SPIRE1: variants seen among roughly 807,000 people sequenced by gnomAD.
SPIRE1 encodes the protein protein spire homolog 1.
Under a neutral mutation model 94.1 loss-of-function variants are expected in SPIRE1, and 40 were observed. The observed-to-expected ratio is 0.43, with a 90% CI of 0.33 to 0.55. The LOEUF is 0.55. SPIRE1 is among the 20% of genes least tolerant of loss of function. The pLI, the probability that SPIRE1 is intolerant of heterozygous loss-of-function variation, is 0.06. For synonymous variants in SPIRE1, 376 were observed against 371.7 expected (o/e 1.01, Z -0.13); for missense variants, 838 against 975.2 (o/e 0.86, Z 1.87).
chr18:12,525,663 G>A (rs1036709648), intron 4 of SPIRE1, among the ~76,000 whole-genome samples: 5 of 151,944 alleles, frequency 3.3e-5, no homozygotes, highest in African/African-American at 1.2e-4. Context: ...CTATACACAC[G>A]GGAACCTGCT....
intron 2 of SPIRE1, among the ~76,000 whole-genome samples, chr18:12,563,655 T>C (rs2035746598): frequency 6.6e-6 from 1 of 152,222 alleles, no homozygotes; most frequent in Admixed American, 6.5e-5. Context: ...CTTTTCCATG[T>C]TATTGGCATC....
At chr18:12,526,717 ATT>A (rs35114575) in intron 4 of SPIRE1, among the ~76,000 whole-genome samples, 1 of 150,186 alleles carries the variant, frequency 6.7e-6, no homozygotes, top group Non-Finnish European at 1.5e-5. Flanking sequence ...TTTTAATTTA[ATT>A]TTTTTTTTGA....
intron 3 of SPIRE1, among the ~76,000 whole-genome samples, chr18:12,542,516 T>G (rs1264179209): frequency 2.0e-5 from 3 of 152,198 alleles, no homozygotes; most frequent in African/African-American, 7.2e-5. Context: ...TATATTCCTT[T>G]TCAATTCTTT....
At chr18:12,464,053 C>A (rs2031988041) in intron 11 of SPIRE1, among the ~76,000 whole-genome samples, 1 of 152,164 alleles carries the variant, frequency 6.6e-6, no homozygotes, top group African/African-American at 2.4e-5. Flanking sequence ...TTATTTAGTG[C>A]TTCCTCCTAC....
chr18:12,608,916 C>T (rs1361959359), intron 2 of SPIRE1, among the ~76,000 whole-genome samples: 1 of 152,102 alleles, frequency 6.6e-6, no homozygotes, highest in Non-Finnish European at 1.5e-5. Context: ...GCAGCAGTCC[C>T]CAATCTTTTT....
At chr18:12,611,190 G>T (rs1413247531) in intron 2 of SPIRE1, among the ~76,000 whole-genome samples, 1 of 152,092 alleles carries the variant, frequency 6.6e-6, no homozygotes, top group Non-Finnish European at 1.5e-5. Context: ...CAAATTTCCT[G>T]CTCTCTGGGT....
At chr18:12,504,552 C>T (rs1348156100) in intron 6 of SPIRE1, among the ~76,000 whole-genome samples, 1 of 152,104 alleles carries the variant, frequency 6.6e-6, no homozygotes, top group African/African-American at 2.4e-5. Context: ...TAAGAACCTT[C>T]TAACATAAAA....
chr18:12,531,523 T>C (rs1441363582), intron 4 of SPIRE1, among the ~76,000 whole-genome samples: 1 of 152,164 alleles, frequency 6.6e-6, no homozygotes, highest in Non-Finnish European at 1.5e-5. Flanking sequence ...GACTGAAGGG[T>C]ATGATGAGGA....
intron 2 of SPIRE1, among the ~76,000 whole-genome samples, chr18:12,612,316 G>A (rs1042530302): frequency 6.6e-6 from 1 of 152,122 alleles, no homozygotes; most frequent in Admixed American, 6.6e-5. Context: ...TACATTCATG[G>A]GCCCTGTGGG....
chr18:12,592,220 T>C (rs941995359), intron 2 of SPIRE1, among the ~76,000 whole-genome samples: 1 of 152,068 alleles, frequency 6.6e-6, no homozygotes, highest in Non-Finnish European at 1.5e-5. Context: ...AAAAAAAGAG[T>C]TCACCAGGAT....
At chr18:12,565,586 C>T (rs777398069) in intron 2 of SPIRE1, among the ~76,000 whole-genome samples, 1 of 151,950 alleles carries the variant, frequency 6.6e-6, no homozygotes, top group Non-Finnish European at 1.5e-5. Flanking sequence ...GTTGGTCAAG[C>T]TGGTCTTGAA....
chr18:12,646,012 C>T (rs1360386797), intron 1 of SPIRE1, among the ~76,000 whole-genome samples: 1 of 152,214 alleles, frequency 6.6e-6, no homozygotes, highest in Non-Finnish European at 1.5e-5. Flanking sequence ...GTTGAGAACT[C>T]TTGGGGCTGC....
intron 12 of SPIRE1, among the ~76,000 whole-genome samples, chr18:12,462,413 A>G (rs773647160): frequency 1.3e-5 from 2 of 152,248 alleles, no homozygotes; most frequent in Non-Finnish European, 2.9e-5. Context: ...ACAGCTGTGC[A>G]TCTTGCCTAC....
At chr18:12,479,295 C>T (rs1228751800) in intron 10 of SPIRE1, among the ~76,000 whole-genome samples, 1 of 151,648 alleles carries the variant, frequency 6.6e-6, no homozygotes, top group Non-Finnish European at 1.5e-5. Flanking sequence ...CTGCCTTAGC[C>T]TCCCAACTAG....
intron 10 of SPIRE1, among the ~76,000 whole-genome samples, chr18:12,466,511 AGCT>A (rs2032107514): frequency 1.3e-5 from 2 of 151,994 alleles, no homozygotes; most frequent in African/African-American, 4.8e-5. Context: ...TGAACTCCTG[AGCT>A]CATGATCTGC....
intron 2 of SPIRE1, among the ~76,000 whole-genome samples, chr18:12,555,901 G>C (rs2035490513): frequency 6.6e-6 from 1 of 152,154 alleles, no homozygotes; most frequent in Admixed American, 6.5e-5. Flanking sequence ...CAGATGGTAT[G>C]ATCTTATATT....
At chr18:12,610,213 G>C (rs2037099899) in intron 2 of SPIRE1, among the ~76,000 whole-genome samples, 1 of 152,038 alleles carries the variant, frequency 6.6e-6, no homozygotes, top group South Asian at 2.1e-4. Flanking sequence ...TCAATTCTTG[G>C]TGATTTTAAC....
At chr18:12,589,359 G>A (rs1332814229) in intron 2 of SPIRE1, among the ~76,000 whole-genome samples, 1 of 152,146 alleles carries the variant, frequency 6.6e-6, no homozygotes, top group Non-Finnish European at 1.5e-5. Context: ...AGCAAGTGAA[G>A]GAGGAGACCT....
rs950985665 is a variant in SPIRE1, at chr18:12,501,557, T to A, written c.972+4920A>T. ...TGCCACCACACCCAGCTAATTTTTG[T>A]AGTTTTAATAGAGACGGGGTTTGAC... On this transcript the variant is annotated intron_variant, in intron 6 of 16. Coordinates refer to ENST00000409402, the MANE Select transcript of SPIRE1 (RefSeq NM_001128626.2). 1.1e-4 allele frequency among the ~76,000 whole-genome samples: 17 copies of A among 152,274 alleles called. No homozygotes were observed. In the South Asian group the frequency reaches 3.1e-3, roughly 28 times the overall value.
Sources: gnomAD v4.1 joint callset for allele counts (sites outside exome capture counted in the v4.1 genomes callset) on GRCh38, gnomAD v4.1.1 for gene constraint, MANE v1.5 for transcripts, NCBI Gene and HGNC (gene_info 2026-07-23, HGNC 2026-07-21) for gene names.